LRMDA: variants seen among roughly 807,000 people sequenced by gnomAD.
LRMDA encodes leucine rich melanocyte differentiation associated.
In LRMDA, 18 loss-of-function variants were observed where a neutral mutation model predicts 29.8. The ratio of observed to expected loss-of-function variants is 0.60; its 90% CI spans 0.42 to 0.90. LRMDA has a LOEUF of 0.90. Ranked by LOEUF, LRMDA falls within the 40% of genes least tolerant of loss-of-function variation. The pLI, the probability that LRMDA is intolerant of heterozygous loss-of-function variation, is 0.00. For missense variants in LRMDA, 273 were observed against 273.9 expected (o/e 1.00, Z 0.02); for synonymous variants, 125 against 109.4 (o/e 1.14, Z -0.89).
At chr10:75,756,376 A>T (rs1242812559) in intron 2 of LRMDA, among the ~76,000 whole-genome samples, 1 of 152,114 alleles carries the variant, frequency 6.6e-6, no homozygotes, top group East Asian at 1.9e-4. Flanking sequence ...CAGCATTCAT[A>T]TTGGGTCATG....
At chr10:75,970,892 A>C (rs907566809) in intron 2 of LRMDA, among the ~76,000 whole-genome samples, 4 of 152,234 alleles carry the variant, frequency 2.6e-5, no homozygotes, top group African/African-American at 9.6e-5. Flanking sequence ...GTGTTTAAAA[A>C]TCTTGAAAAT....
chr10:76,070,605 G>A (rs779244110), intron 5 of LRMDA, among the ~76,000 whole-genome samples: 1 of 152,240 alleles, frequency 6.6e-6, no homozygotes, highest in African/African-American at 2.4e-5. Context: ...GAGCTTGAAC[G>A]TGTGAATTTG....
chr10:75,867,690 A>G (rs1845043855), intron 2 of LRMDA, among the ~76,000 whole-genome samples: 1 of 152,194 alleles, frequency 6.6e-6, no homozygotes, highest in Admixed American at 6.5e-5. Flanking sequence ...AGCAAGATAT[A>G]TGAAATCTGG....
At chr10:76,417,340 G>A (rs1053070069) in intron 6 of LRMDA, among the ~76,000 whole-genome samples, 3 of 152,060 alleles carry the variant, frequency 2.0e-5, no homozygotes, top group Admixed American at 1.3e-4. Flanking sequence ...TTGTGCTACA[G>A]CCTTTGTATT....
chr10:76,348,861 C>G (rs1253417822), intron 6 of LRMDA, among the ~76,000 whole-genome samples: 1 of 152,150 alleles, frequency 6.6e-6, no homozygotes, highest in African/African-American at 2.4e-5. Flanking sequence ...TGTGAAAAGC[C>G]ATTTGTATTG....
intron 6 of LRMDA, among the ~76,000 whole-genome samples, chr10:76,524,048 A>C (rs41305709): frequency 6.6e-6 from 1 of 152,258 alleles, no homozygotes; most frequent in African/African-American, 2.4e-5. Flanking sequence ...CAGCCATTTA[A>C]AAGTTTAATC....
intron 2 of LRMDA, among the ~76,000 whole-genome samples, chr10:75,876,723 C>T (rs913139142): frequency 1.3e-5 from 2 of 152,144 alleles, no homozygotes; most frequent in Non-Finnish European, 2.9e-5. Context: ...GTAACTCCTC[C>T]CTTCATGTCC....
intron 5 of LRMDA, chr10:76,319,333 A>G (rs1265515949): frequency 6.6e-6 from 1 of 152,218 alleles, no homozygotes; most frequent in Non-Finnish European, 1.5e-5. Flanking sequence ...TTAATTTCAG[A>G]AAGTTAATAT....
At chr10:75,464,123 C>CA (rs1844624369) in intron 2 of LRMDA, among the ~76,000 whole-genome samples, 1 of 152,178 alleles carries the variant, frequency 6.6e-6, no homozygotes, top group South Asian at 2.1e-4. Flanking sequence ...ATTTCTGTGT[C>CA]AAAAAATTAT....
chr10:75,524,365 T>C (rs4745780), intron 2 of LRMDA, among the ~76,000 whole-genome samples: 8,703 of 152,226 alleles, frequency 0.057, 757 homozygotes, highest in African/African-American at 0.19. Context: ...TTGGGCAAGA[T>C]TTTTAACTTC....
intron 2 of LRMDA, among the ~76,000 whole-genome samples, chr10:75,894,760 A>G (rs1277637985): frequency 1.3e-5 from 2 of 152,320 alleles, no homozygotes; most frequent in South Asian, 2.1e-4. Flanking sequence ...ACCAGAGACA[A>G]CCAGAAGATC....
intron 6 of LRMDA, among the ~76,000 whole-genome samples, chr10:76,399,523 T>C (rs1269017037): frequency 6.6e-6 from 1 of 152,240 alleles, no homozygotes; most frequent in Admixed American, 6.5e-5. Flanking sequence ...CTGTCATTTG[T>C]GTACAGATGT....
intron 6 of LRMDA, among the ~76,000 whole-genome samples, chr10:76,546,622 C>A (rs578213098): frequency 6.6e-6 from 1 of 152,294 alleles, no homozygotes; most frequent in East Asian, 1.9e-4. Context: ...GAGAATAACA[C>A]CTGGACCCAG....
At chr10:76,065,977 T>G (rs1490193358) in intron 5 of LRMDA, among the ~76,000 whole-genome samples, 3 of 152,236 alleles carry the variant, frequency 2.0e-5, no homozygotes, top group African/African-American at 7.2e-5. Context: ...ACTTGAGGCC[T>G]GCAAACATCC....
At chr10:76,540,201 T>G (rs1486145039) in intron 6 of LRMDA, among the ~76,000 whole-genome samples, 1 of 152,194 alleles carries the variant, frequency 6.6e-6, no homozygotes, top group East Asian at 1.9e-4. Context: ...CCTGCACACA[T>G]GTGCACATGT....
At chr10:76,526,975 A>AT (rs1317763010) in intron 6 of LRMDA, among the ~76,000 whole-genome samples, 1 of 125,464 alleles carries the variant, frequency 8.0e-6, no homozygotes, top group African/African-American at 3.1e-5. Flanking sequence ...GTAAAGTATA[A>AT]TAAAATAAAT....
intron 5 of LRMDA, among the ~76,000 whole-genome samples, chr10:76,225,957 A>G (rs12268323): frequency 0.097 from 13,365 of 138,100 alleles, 1,948 homozygotes; most frequent in African/African-American, 0.32. Flanking sequence ...ATTCCCGCCT[A>G]CGAATGAGAA....
At chr10:75,621,583 C>G (rs959675750) in intron 2 of LRMDA, among the ~76,000 whole-genome samples, 1 of 152,172 alleles carries the variant, frequency 6.6e-6, no homozygotes, top group South Asian at 2.1e-4. Context: ...TTGGCAGTCA[C>G]TGGGCACATA....
intron 6 of LRMDA, among the ~76,000 whole-genome samples, chr10:76,402,740 T>C (rs1841862455): frequency 6.6e-6 from 1 of 152,158 alleles, no homozygotes. Context: ...AGTCCAGTAT[T>C]TTCACACCTA....
Sources: allele counts gnomAD v4.1 joint callset (sites outside exome capture counted in the v4.1 genomes callset), GRCh38; gene constraint gnomAD v4.1.1; transcripts MANE v1.5; gene names NCBI Gene and HGNC (gene_info 2026-07-23, HGNC 2026-07-21).